Variants in SELENOT observed in about 807,000 individuals in gnomAD.
SELENOT encodes selenoprotein T.
Under a neutral mutation model 24.3 loss-of-function variants are expected in SELENOT, and 9 were observed. The observed-to-expected ratio is 0.37, with a 90% confidence interval of 0.22 to 0.65. SELENOT has a LOEUF of 0.65. Ranked by LOEUF, SELENOT falls within the 30% of genes least tolerant of loss-of-function variation. The pLI is 0.60. For missense variants in SELENOT, 166 were observed against 247.6 expected (o/e 0.67, Z 2.21); for synonymous variants, 81 against 86.0 (o/e 0.94, Z 0.32).
In SELENOT at chr3:150,627,044, C is replaced by T; in HGVS notation, c.498C>T (p.His166=). 1 of 1,613,362 alleles carries T rather than the reference C, an allele frequency of 6.2e-7. No individual in the cohort carries two copies. Among genetic ancestry groups the T allele is most frequent in the Non-Finnish European group, 8.5e-7 (1 of 1,179,756 alleles). The change falls in exon 5 of 6, where the codon CAC becomes CAT. Residue 166 remains histidine, a synonymous_variant. Coordinates refer to ENST00000471696, the MANE Select transcript of SELENOT (RefSeq NM_016275.5). ...TGTGGTCTAAGCTGGAATCTGGTCACCTTCCATCCATGCAACAACTTGTTC... is the reference window on the plus strand; with the variant it reads ...TGTGGTCTAAGCTGGAATCTGGTCATCTTCCATCCATGCAACAACTTGTTC... ...VPVWSKLESG[H]LPSMQQLVQI...
intron 1 of SELENOT, among the ~76,000 whole-genome samples, chr3:150,621,269 A>AC (rs879860836): frequency 3.1e-3 from 472 of 151,428 alleles, no homozygotes; most frequent in Middle Eastern, 6.8e-3. Context: ...GTTCCCTCAC[A>AC]CCCCCCCCAA....
chr3:150,623,443 T>C (rs1370078197), intron 3 of SELENOT, among the ~76,000 whole-genome samples: 1 of 152,086 alleles, frequency 6.6e-6, no homozygotes, highest in Non-Finnish European at 1.5e-5. Flanking sequence ...TAATTTGTTA[T>C]CTGATTTTGA....
chr3:150,624,567 C>A (rs1008373011), intron 3 of SELENOT, among the ~76,000 whole-genome samples: 1 of 152,042 alleles, frequency 6.6e-6, no homozygotes, highest in Non-Finnish European at 1.5e-5. Flanking sequence ...TGCTTGTATT[C>A]TTTTGTTTAA....
At chr3:150,616,752 G>C (rs895133584) in intron 1 of SELENOT, among the ~76,000 whole-genome samples, 1 of 152,198 alleles carries the variant, frequency 6.6e-6, no homozygotes, top group African/African-American at 2.4e-5. Flanking sequence ...AGTGCTATTT[G>C]AATGTCTACT....
chr3:150,626,720 T>C (rs1726453921), intron 4 of SELENOT, among the ~76,000 whole-genome samples: 1 of 152,208 alleles, frequency 6.6e-6, no homozygotes, highest in Non-Finnish European at 1.5e-5. Context: ...TCAATTTAAA[T>C]GATACTATTT....
chr3:150,620,510 C>T (rs1261804884), intron 1 of SELENOT, among the ~76,000 whole-genome samples: 2 of 152,204 alleles, frequency 1.3e-5, no homozygotes, highest in South Asian at 2.1e-4. Context: ...TAAATACTCA[C>T]TGCCTGCTAC....
intron 1 of SELENOT, among the ~76,000 whole-genome samples, chr3:150,616,757 T>C (rs907096235): frequency 6.6e-6 from 1 of 152,210 alleles, no homozygotes; most frequent in Non-Finnish European, 1.5e-5. Context: ...TATTTGAATG[T>C]CTACTTTCAA....
At chr3:150,612,007 G>A in intron 1 of SELENOT, 1 of 520,946 alleles carries the variant, frequency 1.9e-6, no homozygotes, top group Non-Finnish European at 3.3e-6. Flanking sequence ...TGCTGCTGGC[G>A]CCGAAACAGT....
chr3:150,611,276 C>G (rs6440686), intron 1 of SELENOT: 220,641 of 1,240,810 alleles, frequency 0.18, 24,769 homozygotes, highest in East Asian at 0.42. Flanking sequence ...ACACCACTAT[C>G]AACCTTGAGA....
At chr3:150,624,981 A>G in intron 4 of SELENOT, 82 bp downstream of exon 4, 4 of 652,890 alleles carry the variant, frequency 6.1e-6, no homozygotes, top group Non-Finnish European at 2.4e-6. Flanking sequence ...TTATAATAAG[A>G]TAAACTTCTT....
At chr3:150,603,763 A>C (rs906433457) in intron 1 of SELENOT, 17 of 323,114 alleles carry the variant, frequency 5.3e-5, no homozygotes, top group Non-Finnish European at 9.1e-5. Context: ...TTAAACGCTG[A>C]AAGGCGAAGA....
chr3:150,608,417 T>C (rs1045493481), intron 1 of SELENOT, among the ~76,000 whole-genome samples: 1 of 152,192 alleles, frequency 6.6e-6, no homozygotes, highest in Admixed American at 6.5e-5. Flanking sequence ...ACACTAATGA[T>C]TATAAGATAA....
chr3:150,619,386 ATT>A (rs993872412), intron 1 of SELENOT, among the ~76,000 whole-genome samples: 9 of 147,350 alleles, frequency 6.1e-5, no homozygotes, highest in Non-Finnish European at 1.2e-4. Flanking sequence ...AAAAAAAAAA[ATT>A]AGCTGGGCAC....
At chr3:150,623,231 AG>A in intron 3 of SELENOT, 62 bp downstream of exon 3, 1 of 1,362,412 alleles carries the variant, frequency 7.3e-7, no homozygotes, top group East Asian at 2.6e-5. Context: ...ATATTCTAAT[AG>A]ATTTTCTTAT....
intron 1 of SELENOT, among the ~76,000 whole-genome samples, chr3:150,615,997 CAG>C (rs1267595618): frequency 3.9e-5 from 6 of 151,928 alleles, no homozygotes; most frequent in Admixed American, 1.3e-4. Flanking sequence ...GGTACCAAAA[CAG>C]AGATATAGAT....
At chr3:150,613,993 A>G (rs1412248830) in intron 1 of SELENOT, among the ~76,000 whole-genome samples, 2 of 152,136 alleles carry the variant, frequency 1.3e-5, no homozygotes, top group Non-Finnish European at 2.9e-5. Context: ...ATCAAGAGAC[A>G]GTACATTTTA....
chr3:150,621,447 C>T (rs940318062), intron 1 of SELENOT, among the ~76,000 whole-genome samples: 1 of 151,962 alleles, frequency 6.6e-6, no homozygotes, highest in Non-Finnish European at 1.5e-5. Context: ...TAATTACTGA[C>T]CCTGCTTCCT....
chr3:150,606,004 C>T (rs1445831807), intron 1 of SELENOT, among the ~76,000 whole-genome samples: 1 of 152,086 alleles, frequency 6.6e-6, no homozygotes, highest in African/African-American at 2.4e-5. Context: ...TCAAAAATAA[C>T]TATACCTCAA....
Position 150,603,337 on chromosome 3 carries a change from C to A in SELENOT, c.-26C>A. On this transcript the variant is annotated 5_prime_UTR_variant, in exon 1 of 6. Transcript: ENST00000471696. ...GGGCTGGCTGCAGTCTGTCTGAGGG[C>A]GGCCGAAGTGGCTGGCTCATTTAAG... 1.9e-6 allele frequency: 3 copies of A among 1,603,558 alleles called. No individual in the cohort carries two copies. Among genetic ancestry groups the A allele is most frequent in the Non-Finnish European group, 2.6e-6 (3 of 1,172,626 alleles).
Sources: gnomAD v4.1 joint callset for allele counts (sites outside exome capture counted in the v4.1 genomes callset) on GRCh38, gnomAD v4.1.1 for gene constraint, MANE v1.5 for transcripts, NCBI Gene and HGNC (gene_info 2026-07-23, HGNC 2026-07-21) for gene names.